The following USP15 variants were observed in gnomAD, a reference collection of about 807,000 sequenced individuals.
The protein encoded by USP15 is ubiquitin specific peptidase 15, also known as ubiquitin carboxyl-terminal hydrolase 15.
A neutral mutation model predicts 127.1 loss-of-function variants in USP15; 18 were observed. The ratio of observed to expected loss-of-function variants is 0.14; its 90% confidence interval spans 0.10 to 0.21. The LOEUF is 0.21. Among genes scored for constraint, USP15 ranks in the 10% least tolerant of loss-of-function variants. The probability of loss-of-function intolerance (pLI) is 1.00; values close to 1 mark genes in which losing one functional copy is unlikely to be tolerated. For missense variants in USP15, 805 were observed against 1,159.9 expected (o/e 0.69, Z 4.44); for synonymous variants, 364 against 393.7 (o/e 0.92, Z 0.89).
At chr12:62,299,666 T>C (rs1017422677) in intron 2 of USP15, among the ~76,000 whole-genome samples, 3 of 152,250 alleles carry the variant, frequency 2.0e-5, no homozygotes, top group Admixed American at 6.5e-5. Flanking sequence ...TTTTCCTTTC[T>C]AATGGGTAGA....
intron 8 of USP15, among the ~76,000 whole-genome samples, chr12:62,363,211 C>T (rs1474956228): frequency 6.6e-6 from 1 of 152,160 alleles, no homozygotes; most frequent in African/African-American, 2.4e-5. Context: ...CTTAAAAGAA[C>T]AGCCAGCAAT....
chr12:62,384,454 A>T (rs1316848849), intron 11 of USP15, 152 bp downstream of exon 11: 2 of 689,768 alleles, frequency 2.9e-6, no homozygotes, highest in African/African-American at 3.7e-5. Context: ...GAGATTTTAT[A>T]AGCTGAATAC....
At chr12:62,274,595 T>C (rs2063433058) in intron 1 of USP15, among the ~76,000 whole-genome samples, 1 of 151,874 alleles carries the variant, frequency 6.6e-6, no homozygotes, top group Admixed American at 6.6e-5. Flanking sequence ...CAGTGAGCTA[T>C]GATCACAACA....
chr12:62,379,711 A>G (rs1377548948), intron 8 of USP15, among the ~76,000 whole-genome samples: 1 of 152,064 alleles, frequency 6.6e-6, no homozygotes, highest in African/African-American at 2.4e-5. Flanking sequence ...AACTATTGAT[A>G]ATTGTTGGAA....
At chr12:62,341,247 C>A (rs1050519320) in intron 6 of USP15, among the ~76,000 whole-genome samples, 13 of 152,026 alleles carry the variant, frequency 8.6e-5, no homozygotes, top group African/African-American at 3.1e-4. Flanking sequence ...CTCCTCCAAC[C>A]CTTTATTTTG....
rs779533879 is a variant in USP15, at chr12:62,355,323, T to C, written c.771-8T>C. The C allele has an allele frequency of 2.3e-5, 36 of 1,578,700 alleles. No individual in the cohort carries two copies. The highest frequency in any genetic ancestry group is 5.8e-5 in the Admixed American group (3 of 51,906). On this transcript the variant is annotated splice_polypyrimidine_tract_variant and splice_region_variant and intron_variant, in intron 7 of 21. Coordinates refer to ENST00000280377, the MANE Select transcript of USP15 (RefSeq NM_001252078.2). Reference sequence around the variant, plus strand: ...TTGGCTGCATTATGAAAATTTTTTTTCTTCCAGTGTGAAAAACTCAAATTA... The same window carrying C: ...TTGGCTGCATTATGAAAATTTTTTTCCTTCCAGTGTGAAAAACTCAAATTA...
In USP15 at chr12:62,302,793, G is replaced by A. The variant is rs1370453253; in HGVS notation, c.221G>A (p.Gly74Asp). Residue 74 changes from glycine (G) to aspartate (D), a missense_variant, in exon 3 of 22, where the codon GGT becomes GAT. Coordinates refer to ENST00000280377, the MANE Select transcript of USP15 (RefSeq NM_001252078.2). ...PIDNSGLLKD[G>D]DAQSLKEHLI... is the part of the protein sequence containing the mutation. ...GAGTTTATTTTTTCTTTTGCAGATGGTGATGCCCAGTCACTTAAGGAACAC... is the reference window on the plus strand; with the variant it reads ...GAGTTTATTTTTTCTTTTGCAGATGATGATGCCCAGTCACTTAAGGAACAC... 1.9e-6 allele frequency: 3 copies of A among 1,606,646 alleles called. No homozygotes were observed. Among genetic ancestry groups the A allele is most frequent in the Admixed American group, 1.7e-5 (1 of 59,338 alleles).
chr12:62,296,907 T>C (rs1565828695), intron 2 of USP15, among the ~76,000 whole-genome samples: 1 of 151,776 alleles, frequency 6.6e-6, no homozygotes, highest in African/African-American at 2.4e-5. Context: ...GCCAGTTTTC[T>C]AAAAAAAAAT....
intron 8 of USP15, among the ~76,000 whole-genome samples, chr12:62,366,684 G>A (rs567318907): frequency 2.4e-4 from 36 of 152,260 alleles, no homozygotes; most frequent in Middle Eastern, 6.8e-3. Context: ...TTGGCTGTGG[G>A]TTTGTCATAA....
At chr12:62,327,514 A>G in intron 6 of USP15, 1 of 357,688 alleles carries the variant, frequency 2.8e-6, no homozygotes, top group South Asian at 2.2e-5. Context: ...TATATCTTTA[A>G]GTTATTTTTG....
chr12:62,366,666 G>A (rs964474174), intron 8 of USP15, among the ~76,000 whole-genome samples: 3 of 152,168 alleles, frequency 2.0e-5, no homozygotes, highest in Non-Finnish European at 2.9e-5. Flanking sequence ...TGCCCATTCA[G>A]TATGATATTG....
intron 6 of USP15, among the ~76,000 whole-genome samples, chr12:62,337,045 A>G (rs182959247): frequency 7.2e-5 from 11 of 152,332 alleles, no homozygotes; most frequent in Admixed American, 7.2e-4. Context: ...GACACATTTT[A>G]TTCTACAATT....
chr12:62,284,238 G>A (rs2063730964), intron 1 of USP15, among the ~76,000 whole-genome samples: 1 of 152,140 alleles, frequency 6.6e-6, no homozygotes, highest in South Asian at 2.1e-4. Context: ...AGACTTTTTT[G>A]TGGAACTTTG....
Position 62,332,993 on chromosome 12 carries a change from T to G in USP15, c.683+7060T>G, listed in dbSNP as rs149803727. 4.0e-3 allele frequency among the ~76,000 whole-genome samples: 602 copies of G among 152,360 alleles called. 3 individuals carry two copies. The highest frequency in any genetic ancestry group is 0.02 in the Middle Eastern group (6 of 294). On this transcript the variant is annotated intron_variant, in intron 6 of 21. Transcript: ENST00000280377. ...GCACTTAGGTGATTCTGCAATATTC[T>G]GTTTTTATTTTTTTTACACTATCTT... is the stretch of plus-strand genomic sequence containing the variant.
chr12:62,282,420 AAT>A (rs1342424187), intron 1 of USP15, among the ~76,000 whole-genome samples: 1 of 152,198 alleles, frequency 6.6e-6, no homozygotes, highest in East Asian at 1.9e-4. Flanking sequence ...CAGTTATGAC[AAT>A]ATTCTGTAAA....
chr12:62,320,193 G>A (rs2064945946), intron 4 of USP15, among the ~76,000 whole-genome samples: 1 of 152,202 alleles, frequency 6.6e-6, no homozygotes, highest in African/African-American at 2.4e-5. Flanking sequence ...GTTGGAGGAG[G>A]TGCCTGCTGG....
rs565175298 is a variant in USP15, at chr12:62,405,269, T to C, written c.*894T>C. ...TAATATAAGGACAGACATAATAGTA[T>C]TCTGTACCCATAGTAATAATTGCAT... On this transcript the variant is annotated 3_prime_UTR_variant, in exon 22 of 22. Transcript: ENST00000280377. 2 of 152,246 alleles carry C rather than the reference T, an allele frequency of 1.3e-5. No individual in the cohort carries two copies. Among genetic ancestry groups the C allele is most frequent in the African/African-American group, 4.8e-5 (2 of 41,568 alleles). 9.4% of individuals were successfully genotyped at this position (152,246 alleles called of 1,614,324 possible).
At chr12:62,285,250 C>T (rs2063755951) in intron 1 of USP15, among the ~76,000 whole-genome samples, 1 of 152,144 alleles carries the variant, frequency 6.6e-6, no homozygotes. Flanking sequence ...CATCCCTCTC[C>T]TGCCTCCCAC....
intron 7 of USP15, 87 bp from the exon 8 acceptor site, chr12:62,355,244 A>T: frequency 8.6e-7 from 1 of 1,167,906 alleles, no homozygotes; most frequent in East Asian, 2.6e-5. Flanking sequence ...GATCAACCAC[A>T]TATCTCATAA....
Sources: gnomAD v4.1 joint callset for allele counts (sites outside exome capture counted in the v4.1 genomes callset) on GRCh38, gnomAD v4.1.1 for gene constraint, MANE v1.5 for transcripts, NCBI Gene and HGNC (gene_info 2026-07-23, HGNC 2026-07-21) for gene names.